Variants in IL1RAPL1 observed in about 807,000 individuals in gnomAD.
IL1RAPL1 encodes interleukin 1 receptor accessory protein like 1, also known as interleukin-1 receptor accessory protein-like 1.
A neutral mutation model predicts 48.4 loss-of-function variants in IL1RAPL1; 3 were observed. The observed-to-expected ratio is 0.06, with a 90% CI of 0.03 to 0.16. The LOEUF is 0.16. IL1RAPL1 is among the 10% of genes least tolerant of loss of function. The pLI is 1.00. For synonymous variants in IL1RAPL1, 185 were observed against 187.7 expected (o/e 0.99, Z 0.12); for missense variants, 349 against 530.6 (o/e 0.66, Z 3.36).
At chrX:29,399,609 A>G (rs946780135) in intron 5 of IL1RAPL1, among the ~76,000 whole-genome samples, 1 of 111,233 alleles carries the variant, frequency 9.0e-6, no homozygotes, top group Admixed American at 9.6e-5. Context: ...TCACGAGGTC[A>G]GGGGTTCAGG....
rs747411865 is a variant in IL1RAPL1 at position 29,412,085 on chromosome X, A to G, written c.703+12777A>G. Among the ~76,000 whole-genome samples the G allele has an allele frequency of 5.4e-5, 6 of 111,246 alleles. No individual in the cohort carries two copies. The South Asian group carries it at 1.9e-3, about 35-fold the overall frequency. On this transcript the variant is annotated intron_variant, in intron 5 of 10. Coordinates refer to ENST00000378993, the MANE Select transcript of IL1RAPL1 (RefSeq NM_014271.4). The stretch of plus-strand genomic sequence containing the variant: ...CAGGAGTTCAAGACCAGCCTGGCCA[A>G]CATGGCAAAACCCTGTCTCTACTAA...
intron 5 of IL1RAPL1, among the ~76,000 whole-genome samples, chrX:29,638,076 A>T (rs1197092580): frequency 9.0e-6 from 1 of 110,980 alleles, no homozygotes; most frequent in African/African-American, 3.3e-5. Flanking sequence ...TGCTGAACCA[A>T]ATGTAGGCTA....
At chrX:29,847,178 A>T (rs1340027909) in intron 6 of IL1RAPL1, among the ~76,000 whole-genome samples, 1 of 112,091 alleles carries the variant, frequency 8.9e-6, no homozygotes, top group Non-Finnish European at 1.9e-5. Flanking sequence ...TAGAAATAAG[A>T]CCACGAGCAG....
At chrX:29,013,772 A>G (rs12843979) in intron 2 of IL1RAPL1, among the ~76,000 whole-genome samples, 52,381 of 109,149 alleles carry the variant, frequency 0.48, 9,168 homozygotes, top group Middle Eastern at 0.56. Context: ...TGGGCTTAAT[A>G]CCTAGGTGAT....
At position 29,236,556 on chromosome X, in the gene IL1RAPL1, T is replaced by C. The variant is rs1167266504; in HGVS notation, c.83-46382T>C. Among the ~76,000 whole-genome samples the C allele has an allele frequency of 7.9e-3, 305 of 38,623 alleles. 4 individuals are homozygous for C. Among genetic ancestry groups the C allele is most frequent in the African/African-American group, 0.011 (200 of 18,012 alleles). The allele number at this position is 38,623 out of a possible 115,157, so 33.5% of individuals were successfully genotyped here. ...TTTTCTTTTTTTTTCTTTTTTTTTT[T>C]TTTTTTTTTTTTTTGAGATGGAGTC... is the stretch of plus-strand genomic sequence containing the variant. On this transcript the variant is annotated intron_variant, in intron 2 of 10. Transcript: ENST00000378993.
chrX:29,539,368 C>T (rs1021984198), intron 5 of IL1RAPL1, among the ~76,000 whole-genome samples: 8 of 111,579 alleles, frequency 7.2e-5, no homozygotes, highest in African/African-American at 1.6e-4. Context: ...TATTGCTTCA[C>T]GTTAAAAACC....
intron 2 of IL1RAPL1, among the ~76,000 whole-genome samples, chrX:28,805,137 G>C (rs962635254): frequency 2.7e-5 from 3 of 110,571 alleles, no homozygotes; most frequent in African/African-American, 9.9e-5. Context: ...CAGTAGTCCA[G>C]GTAAGAAAGT....
At chrX:29,119,857 G>A (rs771808889) in intron 2 of IL1RAPL1, among the ~76,000 whole-genome samples, 10 of 111,818 alleles carry the variant, frequency 8.9e-5, no homozygotes, top group African/African-American at 3.2e-4. Flanking sequence ...AGATAATTCT[G>A]TTGTTAGCAA....
intron 2 of IL1RAPL1, among the ~76,000 whole-genome samples, chrX:29,256,111 C>A (rs1159598119): frequency 9.0e-6 from 1 of 111,245 alleles, no homozygotes; most frequent in Non-Finnish European, 1.9e-5. Context: ...GAAACCTCGC[C>A]AACATTTGTT....
chrX:29,877,369 C>T (rs1931928322), intron 6 of IL1RAPL1, among the ~76,000 whole-genome samples: 1 of 111,611 alleles, frequency 9.0e-6, no homozygotes, highest in Non-Finnish European at 1.9e-5. Context: ...ATCACTGAGG[C>T]ATCAGCATCC....
chrX:29,660,426 C>G (rs1366080005), intron 5 of IL1RAPL1, among the ~76,000 whole-genome samples: 1 of 111,975 alleles, frequency 8.9e-6, no homozygotes, highest in Non-Finnish European at 1.9e-5. Flanking sequence ...AGCAATGTCC[C>G]CTAGCATATC....
intron 2 of IL1RAPL1, among the ~76,000 whole-genome samples, chrX:29,067,316 C>T (rs1411901452): frequency 1.8e-5 from 2 of 111,878 alleles, no homozygotes; most frequent in African/African-American, 6.5e-5. Flanking sequence ...TTCCAAATAT[C>T]CTTGATTCAG....
intron 6 of IL1RAPL1, among the ~76,000 whole-genome samples, chrX:29,697,102 C>T (rs1409424032): frequency 2.7e-5 from 3 of 110,933 alleles, no homozygotes; most frequent in Non-Finnish European, 5.7e-5. Flanking sequence ...TTTAACTATC[C>T]GCCTCTTTCC....
chrX:29,044,943 C>A (rs896237137), intron 2 of IL1RAPL1, among the ~76,000 whole-genome samples: 5 of 111,709 alleles, frequency 4.5e-5, no homozygotes, highest in African/African-American at 1.6e-4. Flanking sequence ...GTTTTCCAAT[C>A]TCCGGCAGGC....
chrX:29,238,140 T>C (rs1931343492), intron 2 of IL1RAPL1, among the ~76,000 whole-genome samples: 1 of 111,067 alleles, frequency 9.0e-6, no homozygotes, highest in Non-Finnish European at 1.9e-5. Flanking sequence ...CTATTGCTCA[T>C]GACTATTGAG....
chrX:29,188,585 C>CTT (rs11371992), intron 2 of IL1RAPL1, among the ~76,000 whole-genome samples: 2,761 of 79,099 alleles, frequency 0.035, 136 homozygotes, highest in Non-Finnish European at 0.045. Context: ...AAAACATACA[C>CTT]TTTTTTTTTT....
At chrX:29,393,390 G>C (rs928194911) in intron 3 of IL1RAPL1, among the ~76,000 whole-genome samples, 2 of 111,829 alleles carry the variant, frequency 1.8e-5, no homozygotes, top group Non-Finnish European at 3.8e-5. Context: ...CAAAGTGCTG[G>C]GATTACAGGC....
chrX:28,659,515 G>C (rs1027580048), intron 1 of IL1RAPL1: 11 of 466,134 alleles, frequency 2.4e-5, no homozygotes, highest in African/African-American at 2.2e-4. Context: ...TTCGGCTGGA[G>C]CTCGGCGAGC....
chrX:28,603,025 A>G (rs1375114317), intron 1 of IL1RAPL1, among the ~76,000 whole-genome samples: 1 of 111,711 alleles, frequency 9.0e-6, no homozygotes, highest in Non-Finnish European at 1.9e-5. Context: ...ATACACACAA[A>G]TTTACTTTTT....
Sources: allele counts gnomAD v4.1 joint callset (sites outside exome capture counted in the v4.1 genomes callset), GRCh38; gene constraint gnomAD v4.1.1; transcripts MANE v1.5; gene names NCBI Gene and HGNC (gene_info 2026-07-23, HGNC 2026-07-21).